Variants in RPS6KA2 observed in about 807,000 individuals in gnomAD.
RPS6KA2 encodes ribosomal protein S6 kinase A2.
In RPS6KA2, 42 loss-of-function variants were observed where a neutral mutation model predicts 91.8. The ratio of observed to expected loss-of-function variants is 0.46; its 90% CI spans 0.36 to 0.59. The LOEUF is 0.59. RPS6KA2 is among the 20% of genes least tolerant of loss of function. The pLI, the probability that RPS6KA2 is intolerant of heterozygous loss-of-function variation, is 0.00. For missense variants in RPS6KA2, 798 were observed against 978.5 expected (o/e 0.82, Z 2.46); for synonymous variants, 414 against 393.6 (o/e 1.05, Z -0.61).
intron 2 of RPS6KA2, among the ~76,000 whole-genome samples, chr6:166,779,301 C>G (rs1184747058): frequency 1.3e-5 from 2 of 152,204 alleles, no homozygotes; most frequent in African/African-American, 2.4e-5. Context: ...AGCAAAGAGA[C>G]TGCCTTCCGT....
chr6:166,483,154 T>A (rs1290615235), intron 10 of RPS6KA2, among the ~76,000 whole-genome samples: 1 of 152,190 alleles, frequency 6.6e-6, no homozygotes, highest in Non-Finnish European at 1.5e-5. Context: ...AGAGACCACC[T>A]GGGACGTCTA....
At chr6:166,823,302 G>T (rs530293835) in intron 2 of RPS6KA2, among the ~76,000 whole-genome samples, 1 of 152,310 alleles carries the variant, frequency 6.6e-6, no homozygotes, top group South Asian at 2.1e-4. Flanking sequence ...ACCAACCACG[G>T]TATATGAGCC....
rs181146060 is a variant in RPS6KA2 at position 166,729,494 on chromosome 6, A to G, written c.123+128706T>C. 4.7e-4 allele frequency among the ~76,000 whole-genome samples: 72 copies of G among 152,302 alleles called. 1 individual carries two copies. The highest frequency in any genetic ancestry group is 1.6e-3 in the African/African-American group (67 of 41,574). On this transcript the variant is annotated intron_variant, in intron 2 of 21. Coordinates refer to the RPS6KA2 transcript ENST00000503859. Reference sequence around the variant, plus strand: ...CTCCTGAGTAGCTGAGACCACAGGTATGCACCACTATACCCAGCTAATTTT... The same window carrying G: ...CTCCTGAGTAGCTGAGACCACAGGTGTGCACCACTATACCCAGCTAATTTT...
Position 166,732,246 on chromosome 6 carries a change from T to C in RPS6KA2, c.123+125954A>G, listed in dbSNP as rs1790548697. On this transcript the variant is annotated intron_variant, in intron 2 of 21. Transcript: ENST00000503859. This position sits in a 1 kb window ranked among gnomAD's most constrained non-coding sequence, Gnocchi z 4.0. ...GTTAAAGTCTTCCCGCACTTCTGTA[T>C]AGCTTCATGATTCCCCCAAAATAGA... 6.6e-6 allele frequency among the ~76,000 whole-genome samples: 1 copy of C among 152,246 alleles called. No homozygotes were observed. Among genetic ancestry groups the C allele is most frequent in the Non-Finnish European group, 1.5e-5 (1 of 68,046 alleles).
rs71032809 is a variant in RPS6KA2, at chr6:166,517,455, GTTTTTTTTTTTTTTTTTTTT to G, written c.299-7118_299-7099del. ...ACCACTTAAGGCGTTCTTTTGTTTT[GTTTTTTTTTTTTTTTTTTTT>G]TTTTTTTTTTTGAGACGGAGTCTCG... On this transcript the variant is annotated intron_variant, in intron 3 of 20. Coordinates refer to ENST00000265678, the MANE Select transcript of RPS6KA2 (RefSeq NM_021135.6). Among the ~76,000 whole-genome samples, 201 of 104,932 alleles carry G rather than the reference GTTTTTTTTTTTTTTTTTTTT, an allele frequency of 1.9e-3. 1 individual carries two copies. Among genetic ancestry groups the G allele is most frequent in the Admixed American group, 3.8e-3 (40 of 10,408 alleles). The allele number at this position is 104,932 out of a possible 152,430, so 68.8% of individuals were successfully genotyped here.
intron 10 of RPS6KA2, 142 bp downstream of exon 10, chr6:166,488,691 T>G: frequency 1.6e-6 from 1 of 608,834 alleles, no homozygotes; most frequent in Non-Finnish European, 2.9e-6. Flanking sequence ...CTGGTACTAT[T>G]TCAACCTCTA....
intron 2 of RPS6KA2, among the ~76,000 whole-genome samples, chr6:166,855,754 A>C (rs913131364): frequency 2.0e-5 from 3 of 152,248 alleles, no homozygotes; most frequent in Admixed American, 2.0e-4. Flanking sequence ...CAAGTAAACA[A>C]GTAATTTTCT....
At chr6:166,748,543 TCCC>T (rs2128596526) in intron 2 of RPS6KA2, among the ~76,000 whole-genome samples, 1 of 51,584 alleles carries the variant, frequency 1.9e-5, no homozygotes. Flanking sequence ...GGGCCCCCCA[TCCC>T]CTTGGGCCCC....
intron 2 of RPS6KA2, among the ~76,000 whole-genome samples, chr6:166,747,635 G>C (rs1398637187): frequency 2.0e-5 from 3 of 152,154 alleles, no homozygotes; most frequent in African/African-American, 7.2e-5. Flanking sequence ...CAGGGGGAAG[G>C]GGGATACTGA....
chr6:166,417,622 C>T (rs9364849), intron 19 of RPS6KA2, among the ~76,000 whole-genome samples: 2 of 25,438 alleles, frequency 7.9e-5, no homozygotes, highest in Non-Finnish European at 1.8e-4. Flanking sequence ...TCTCTCTATA[C>T]ACACACACAC....
Position 166,814,308 on chromosome 6 carries a change from T to G in RPS6KA2, c.123+43892A>C, listed in dbSNP as rs112198409. On this transcript the variant is annotated intron_variant, in intron 2 of 21. Coordinates refer to the RPS6KA2 transcript ENST00000503859. ...TAAAAATCATATGAGTTCTTTGGTT[T>G]TAAGGCATAGTAAAGCAATGATTCA... Among the ~76,000 whole-genome samples the G allele has an allele frequency of 1.4e-3, 215 of 152,382 alleles. 1 individual carries two copies. Among genetic ancestry groups the G allele is most frequent in the African/African-American group, 4.8e-3 (201 of 41,594 alleles).
At chr6:166,764,766 G>A (rs373510859) in intron 2 of RPS6KA2, among the ~76,000 whole-genome samples, 4 of 152,192 alleles carry the variant, frequency 2.6e-5, no homozygotes, top group Non-Finnish European at 5.9e-5. Context: ...CTGGGACAGC[G>A]GCCACCGCGG....
rs149914406 is a variant in RPS6KA2, at chr6:166,704,136, G to A, written c.123+154064C>T. Among the ~76,000 whole-genome samples the A allele has an allele frequency of 9.5e-4, 144 of 152,268 alleles. 2 individuals are homozygous for A. Among genetic ancestry groups the A allele is most frequent in the African/African-American group, 3.2e-3 (135 of 41,560 alleles). On this transcript the variant is annotated intron_variant, in intron 2 of 21. Transcript: ENST00000503859. Reference sequence around the variant, plus strand: ...AAGAACAATTCTCCCCTCCAAATTAGGACAAGTTCAACAATATCCTAAATC... The same window carrying A: ...AAGAACAATTCTCCCCTCCAAATTAAGACAAGTTCAACAATATCCTAAATC...
intron 10 of RPS6KA2, among the ~76,000 whole-genome samples, chr6:166,482,820 G>A (rs984019160): frequency 6.6e-5 from 10 of 152,204 alleles, no homozygotes; most frequent in African/African-American, 2.4e-4. Context: ...GGAGGAGAGA[G>A]GGAGAGAGAC....
At chr6:166,697,228 A>G (rs566494105) in intron 2 of RPS6KA2, among the ~76,000 whole-genome samples, 1 of 152,120 alleles carries the variant, frequency 6.6e-6, no homozygotes, top group South Asian at 2.1e-4. Flanking sequence ...TAAAAAAAAG[A>G]CTCATATAAG....
At position 166,410,815 on chromosome 6, in the gene RPS6KA2, G is replaced by C. The variant is rs137867655; in HGVS notation, c.*1947C>G. 6.6e-5 allele frequency: 10 copies of C among 152,010 alleles called. No homozygotes were observed. The highest frequency in any genetic ancestry group is 3.9e-4 in the Admixed American group (6 of 15,262). 9.4% of individuals were successfully genotyped at this position (152,010 alleles called of 1,614,324 possible). On this transcript the variant is annotated 3_prime_UTR_variant, in exon 21 of 21. Transcript: ENST00000265678. ...CACACCAAGCCAGGCCAAAGGGTCCGGGCAGCTGATGGGGGAATCGTTGCC... is the reference window on the plus strand; with the variant it reads ...CACACCAAGCCAGGCCAAAGGGTCCCGGCAGCTGATGGGGGAATCGTTGCC...
At chr6:166,436,754 C>G (rs532022305) in intron 14 of RPS6KA2, among the ~76,000 whole-genome samples, 1 of 152,208 alleles carries the variant, frequency 6.6e-6, no homozygotes, top group Non-Finnish European at 1.5e-5. Flanking sequence ...TGGCGCTCCC[C>G]GTCCTGGAAG....
At chr6:166,797,942 T>C (rs1779266423) in intron 2 of RPS6KA2, among the ~76,000 whole-genome samples, 1 of 152,020 alleles carries the variant, frequency 6.6e-6, no homozygotes, top group South Asian at 2.1e-4. Context: ...CAGAAGACAC[T>C]GGAGTAAAAG....
In RPS6KA2 at chr6:166,419,788, C is replaced by A; in HGVS notation, c.1820+94G>T. 8.6e-7 allele frequency: 1 copy of A among 1,167,110 alleles called. No homozygotes were observed. Among genetic ancestry groups the A allele is most frequent in the Non-Finnish European group, 1.3e-6 (1 of 780,992 alleles). 72.3% of individuals were successfully genotyped at this position (1,167,110 alleles called of 1,614,324 possible). A position where few individuals can be genotyped will look rare whatever the true frequency, so the allele number is the denominator to read the frequency against. The stretch of plus-strand genomic sequence containing the variant: ...CGTTGGGTTTGCCCACATGCGCACA[C>A]TAGGACAGGGCTGGCCCTGGTCCCC... On this transcript the variant is annotated intron_variant, in intron 18 of 20. Coordinates refer to ENST00000265678, the MANE Select transcript of RPS6KA2 (RefSeq NM_021135.6). The surrounding 1 kb of genome is among the most constrained non-coding windows in gnomAD (Gnocchi z 5.6).
Sources: gnomAD v4.1 joint callset for allele counts (sites outside exome capture counted in the v4.1 genomes callset) on GRCh38, gnomAD v4.1.1 for gene constraint, Gnocchi (gnomAD v3.1) non-coding constraint, MANE v1.5 for transcripts, NCBI Gene and HGNC (gene_info 2026-07-23, HGNC 2026-07-21) for gene names.